The following LARP4B variants were observed in gnomAD, a reference collection of about 807,000 sequenced individuals.
The protein encoded by LARP4B is la-related protein 4B.
Under a neutral mutation model 89.8 loss-of-function variants are expected in LARP4B, and 12 were observed. The ratio of observed to expected loss-of-function variants is 0.13; its 90% CI spans 0.09 to 0.22. LARP4B has a LOEUF of 0.22. LARP4B is among the 10% of genes least tolerant of loss of function. The pLI, the probability that LARP4B is intolerant of heterozygous loss-of-function variation, is 1.00. For synonymous variants in LARP4B, 367 were observed against 363.3 expected, an observed-to-expected ratio of 1.01 and a Z score of -0.12; for missense variants, 757 against 947.7, an observed-to-expected ratio of 0.80 and a Z score of 2.64.
chr10:963,130 A>G, the LARP4B span, among the ~76,000 whole-genome samples: 1 of 151,956 alleles, frequency 6.6e-6, no homozygotes, highest in Non-Finnish European at 1.5e-5. Flanking sequence ...TGCTCTCTGC[A>G]CCCCACATAC....
chr10:892,540 G>A (rs1836062135), intron 1 of LARP4B, among the ~76,000 whole-genome samples: 1 of 151,804 alleles, frequency 6.6e-6, no homozygotes, highest in African/African-American at 2.4e-5. Flanking sequence ...AAAAATTATC[G>A]TTAATTTTTT....
At chr10:829,105 C>T (rs1263394055) in intron 11 of LARP4B, among the ~76,000 whole-genome samples, 1 of 152,186 alleles carries the variant, frequency 6.6e-6, no homozygotes, top group African/African-American at 2.4e-5. Context: ...GTAGGGGACG[C>T]CAGGTACACT....
upstream of LARP4B, among the ~76,000 whole-genome samples, chr10:935,316 A>G (rs986470375): frequency 6.6e-6 from 1 of 152,178 alleles, no homozygotes; most frequent in Non-Finnish European, 1.5e-5. Flanking sequence ...CGAGGGCGGC[A>G]TTCTTTTGGA....
intron 5 of LARP4B, among the ~76,000 whole-genome samples, chr10:857,627 C>T (rs115715128): frequency 0.01 from 1,581 of 152,258 alleles, 34 homozygotes; most frequent in African/African-American, 0.036. Context: ...GTTCTGCATA[C>T]GTCAAGCGCT....
chr10:956,440 G>A, the LARP4B span, among the ~76,000 whole-genome samples: 1 of 151,942 alleles, frequency 6.6e-6, no homozygotes, highest in Non-Finnish European at 1.5e-5. The surrounding 1 kb of genome is among the most constrained non-coding windows in gnomAD (Gnocchi z 4.3). Flanking sequence ...CTGCCTCCCG[G>A]GTTCACGCCA....
At chr10:826,557 C>T (rs921558875) in intron 11 of LARP4B, among the ~76,000 whole-genome samples, 3 of 152,198 alleles carry the variant, frequency 2.0e-5, no homozygotes, top group Non-Finnish European at 4.4e-5. Context: ...TAGACACATA[C>T]AAAAATAAGA....
chr10:983,052 T>C, the LARP4B span, among the ~76,000 whole-genome samples: 5 of 152,246 alleles, frequency 3.3e-5, no homozygotes, highest in Non-Finnish European at 7.3e-5. Context: ...GTTATTACCT[T>C]TCTCTTTATG....
the LARP4B span, among the ~76,000 whole-genome samples, chr10:956,725 G>C: frequency 2.6e-5 from 4 of 152,186 alleles, no homozygotes; most frequent in East Asian, 7.7e-4. The surrounding 1 kb of genome is among the most constrained non-coding windows in gnomAD (Gnocchi z 4.3). Context: ...GCTCCCTGGA[G>C]GGTGGGCTGT....
chr10:828,219 G>C (rs552795483), intron 11 of LARP4B, among the ~76,000 whole-genome samples: 2 of 152,264 alleles, frequency 1.3e-5, no homozygotes, highest in African/African-American at 4.8e-5. Flanking sequence ...GTACGCTTCA[G>C]CTCAGACACC....
chr10:887,675 C>T (rs1287038104), intron 1 of LARP4B, among the ~76,000 whole-genome samples: 1 of 151,982 alleles, frequency 6.6e-6, no homozygotes, highest in Non-Finnish European at 1.5e-5. Flanking sequence ...CATGCCACTG[C>T]ACTACAGCCT....
chr10:874,371 AG>A (rs1375040181), intron 3 of LARP4B, among the ~76,000 whole-genome samples: 4 of 152,192 alleles, frequency 2.6e-5, no homozygotes, highest in African/African-American at 7.2e-5. Flanking sequence ...AGAAAAAGGA[AG>A]GAACAAGAAA....
At chr10:942,470 A>G in the LARP4B span, 3 of 152,326 alleles carry the variant, frequency 2.0e-5, no homozygotes, top group South Asian at 4.1e-4. Flanking sequence ...CGAATGTCCT[A>G]TTTGCACAGA....
chr10:863,951 C>A, intron 4 of LARP4B, 68 bp from the exon 5 acceptor site: 1 of 1,570,302 alleles, frequency 6.4e-7, no homozygotes. Context: ...ACAAAGCTTA[C>A]ACTTGCAGTG....
intron 3 of LARP4B, among the ~76,000 whole-genome samples, chr10:875,360 C>T (rs1013996916): frequency 6.6e-6 from 1 of 152,150 alleles, no homozygotes; most frequent in Admixed American, 6.5e-5. Flanking sequence ...TCTCAGAGTC[C>T]CACTTCAAAG....
intron 5 of LARP4B, among the ~76,000 whole-genome samples, chr10:863,204 T>C (rs1834713125): frequency 6.6e-6 from 1 of 151,346 alleles, no homozygotes; most frequent in African/African-American, 2.4e-5. Context: ...TTACTGACAC[T>C]TCGCACTACT....
At chr10:914,829 C>CA (rs1836775262) in intron 1 of LARP4B, among the ~76,000 whole-genome samples, 6 of 100,496 alleles carry the variant, frequency 6.0e-5, no homozygotes, top group African/African-American at 1.2e-4. Context: ...CACCCCCCAG[C>CA]AAAGAAAAAA....
At chr10:976,279 G>A in the LARP4B span, among the ~76,000 whole-genome samples, 1 of 146,522 alleles carries the variant, frequency 6.8e-6, no homozygotes, top group African/African-American at 2.5e-5. Context: ...GTCACGTAAC[G>A]TGTGGACCCG....
chr10:838,727 T>C (rs1296457106), intron 7 of LARP4B, among the ~76,000 whole-genome samples: 1 of 152,174 alleles, frequency 6.6e-6, no homozygotes, highest in African/African-American at 2.4e-5. Flanking sequence ...ACAAATAATA[T>C]TCTTAGCATA....
At chr10:934,147 A>G (rs1026330846), upstream of LARP4B, among the ~76,000 whole-genome samples, 8 of 152,082 alleles carry the variant, frequency 5.3e-5, no homozygotes, top group Admixed American at 4.6e-4. Flanking sequence ...GTTAAACTTC[A>G]ATCTTTTTTG....
Sources: allele counts gnomAD v4.1 joint callset (sites outside exome capture counted in the v4.1 genomes callset), GRCh38; gene constraint gnomAD v4.1.1; non-coding constraint Gnocchi (gnomAD v3.1); transcripts MANE v1.5; gene names NCBI Gene and HGNC (gene_info 2026-07-23, HGNC 2026-07-21).